Variants in GATAD2A observed in about 807,000 individuals in gnomAD.
GATAD2A encodes GATA zinc finger domain containing 2A, also known as transcriptional repressor p66-alpha.
GATAD2A carries 12 observed loss-of-function variants against 68.5 expected under a neutral mutation model. The ratio of observed to expected loss-of-function variants is 0.18; its 90% CI spans 0.11 to 0.28. The LOEUF is 0.28. Ranked by LOEUF, GATAD2A falls within the 10% of genes least tolerant of loss-of-function variation. GATAD2A has a pLI of 1.00. For synonymous variants in GATAD2A, 410 were observed against 375.3 expected (o/e 1.09, Z -1.07); for missense variants, 755 against 868.5 (o/e 0.87, Z 1.64).
At chr19:19,401,824 C>A (rs950611979), upstream of GATAD2A, among the ~76,000 whole-genome samples, 3 of 152,206 alleles carry the variant, frequency 2.0e-5, no homozygotes, top group South Asian at 2.1e-4. Flanking sequence ...TAGTTTGGAG[C>A]CTTTGGCCAA....
intron 1 of GATAD2A, among the ~76,000 whole-genome samples, chr19:19,443,146 A>T (rs1394646763): frequency 6.6e-6 from 1 of 152,206 alleles, no homozygotes; most frequent in Admixed American, 6.5e-5. Flanking sequence ...TTAGCAAATT[A>T]ATATGAAATG....
At chr19:19,436,843 C>T (rs1157923677) in intron 1 of GATAD2A, among the ~76,000 whole-genome samples, 1 of 152,222 alleles carries the variant, frequency 6.6e-6, no homozygotes, top group East Asian at 1.9e-4. Flanking sequence ...TTGGAGGCAG[C>T]CCCTGGGTCA....
At chr19:19,454,570 C>A (rs1314542976) in intron 1 of GATAD2A, among the ~76,000 whole-genome samples, 1 of 151,506 alleles carries the variant, frequency 6.6e-6, no homozygotes, top group Non-Finnish European at 1.5e-5. Context: ...TTGCCCCCAG[C>A]CTGGGTGACA....
intron 1 of GATAD2A, among the ~76,000 whole-genome samples, chr19:19,412,477 A>G (rs1412796528): frequency 6.6e-6 from 1 of 151,982 alleles, no homozygotes; most frequent in African/African-American, 2.4e-5. Context: ...CTTAAAAAAA[A>G]AAAAATTAGC....
intron 2 of GATAD2A, among the ~76,000 whole-genome samples, chr19:19,467,983 A>G (rs925581119): frequency 3.3e-5 from 5 of 152,320 alleles, no homozygotes; most frequent in Admixed American, 2.6e-4. Flanking sequence ...TATATTCTAC[A>G]TAAATTGAGG....
rs899664806 is a variant in GATAD2A, at chr19:19,390,413, C to T, written c.-7+4275C>T. Among the ~76,000 whole-genome samples the T allele has an allele frequency of 2.8e-4, 42 of 152,136 alleles. No homozygotes were observed. The Middle Eastern group carries it at 0.01, about 37-fold the overall frequency. On this transcript the variant is annotated intron_variant, in intron 1 of 11. Coordinates refer to the GATAD2A transcript ENST00000360315. ...TGGCCTGGACTCACAGACCAGGAAG[C>T]GCTTGATATTCTGCCAAGGCTAAAA... is the stretch of plus-strand genomic sequence containing the variant.
intron 1 of GATAD2A, among the ~76,000 whole-genome samples, chr19:19,406,597 T>C (rs1369049851): frequency 6.6e-6 from 1 of 152,138 alleles, no homozygotes; most frequent in African/African-American, 2.4e-5. Context: ...CTCTCTGATC[T>C]CCGGCCTTTC....
chr19:19,388,785 TG>T (rs1381466927), intron 1 of GATAD2A, among the ~76,000 whole-genome samples: 1 of 152,042 alleles, frequency 6.6e-6, no homozygotes, highest in African/African-American at 2.4e-5. Context: ...CTCCCCGTGC[TG>T]AAAAAAAATC....
intron 2 of GATAD2A, among the ~76,000 whole-genome samples, chr19:19,491,493 T>TA (rs2059786138): frequency 2.6e-5 from 4 of 152,160 alleles, no homozygotes; most frequent in Admixed American, 2.6e-4. Flanking sequence ...AGCTGGGACT[T>TA]ACGGAGTGGG....
At chr19:19,474,717 T>G (rs1047879147) in intron 2 of GATAD2A, among the ~76,000 whole-genome samples, 2 of 152,254 alleles carry the variant, frequency 1.3e-5, no homozygotes, top group Admixed American at 1.3e-4. Context: ...CAGGTTAAAC[T>G]GCAGGGTTAC....
At chr19:19,469,776 G>A (rs1031821554) in intron 2 of GATAD2A, among the ~76,000 whole-genome samples, 3 of 151,984 alleles carry the variant, frequency 2.0e-5, no homozygotes, top group Admixed American at 6.6e-5. Context: ...GTGAAACCCC[G>A]TCTCTACTAA....
chr19:19,394,695 C>G (rs551753119), intron 1 of GATAD2A, among the ~76,000 whole-genome samples: 28 of 151,928 alleles, frequency 1.8e-4, no homozygotes, highest in African/African-American at 6.5e-4. Context: ...TCACCCACCT[C>G]GGTCTCCCAA....
chr19:19,452,313 T>TC (rs1437876525), intron 1 of GATAD2A, among the ~76,000 whole-genome samples: 1 of 151,912 alleles, frequency 6.6e-6, no homozygotes, highest in Non-Finnish European at 1.5e-5. Context: ...GGCCAAGGAG[T>TC]CCCTGCTCAG....
chr19:19,498,382 T>TG (rs2060291538), intron 7 of GATAD2A, 61 bp from the exon 8 acceptor site: 1 of 1,519,098 alleles, frequency 6.6e-7, no homozygotes, highest in African/African-American at 1.4e-5. Context: ...TTCGGGGCGC[T>TG]GGGGAGCCTT....
intron 1 of GATAD2A, among the ~76,000 whole-genome samples, chr19:19,448,948 A>G (rs1328819775): frequency 1.3e-5 from 2 of 152,180 alleles, no homozygotes; most frequent in Non-Finnish European, 2.9e-5. Context: ...ATACAGAAGC[A>G]GCTAATTGTG....
chr19:19,392,399 T>G (rs895728640), intron 1 of GATAD2A, among the ~76,000 whole-genome samples: 1 of 150,764 alleles, frequency 6.6e-6, no homozygotes, highest in Non-Finnish European at 1.5e-5. Flanking sequence ...TGTGTGTTTT[T>G]TTTTTTTTTT....
intron 1 of GATAD2A, among the ~76,000 whole-genome samples, chr19:19,414,969 A>G (rs996195424): frequency 1.9e-4 from 28 of 149,956 alleles, no homozygotes; most frequent in African/African-American, 6.7e-4. Flanking sequence ...AAAAAAAACT[A>G]TAGTGGCCAA....
chr19:19,405,667 C>T (rs2050135205), upstream of GATAD2A: 1 of 151,886 alleles, frequency 6.6e-6, no homozygotes, highest in Non-Finnish European at 1.5e-5. Flanking sequence ...CCCCGCCCCT[C>T]GGTCGCCACG....
At chr19:19,424,350 G>A (rs1022808590) in intron 1 of GATAD2A, among the ~76,000 whole-genome samples, 7 of 152,106 alleles carry the variant, frequency 4.6e-5, no homozygotes, top group Admixed American at 1.3e-4. Flanking sequence ...CTGCTTCAGC[G>A]TCCTGAGTAG....
Sources: allele counts gnomAD v4.1 joint callset (sites outside exome capture counted in the v4.1 genomes callset), GRCh38; gene constraint gnomAD v4.1.1; transcripts MANE v1.5; gene names NCBI Gene and HGNC (gene_info 2026-07-23, HGNC 2026-07-21).